Variants in ERCC6L2 observed in about 807,000 individuals in gnomAD.
The protein encoded by ERCC6L2 is ERCC excision repair 6 like 2, also known as DNA excision repair protein ERCC-6-like 2.
A neutral mutation model predicts 132.0 loss-of-function variants in ERCC6L2; 77 were observed. The ratio of observed to expected loss-of-function variants is 0.58; its 90% CI spans 0.49 to 0.71. The LOEUF (loss-of-function observed/expected upper bound fraction) is 0.71. Ranked by LOEUF, ERCC6L2 falls within the 30% of genes least tolerant of loss-of-function variation. ERCC6L2 has a pLI of 0.00. For synonymous variants in ERCC6L2, 583 were observed against 632.4 expected (o/e 0.92, Z 1.17); for missense variants, 1,542 against 1,837.6 (o/e 0.84, Z 2.94).
intron 6 of ERCC6L2, chr9:95,918,408 C>G (rs1829702528): frequency 2.6e-6 from 1 of 391,296 alleles, no homozygotes; most frequent in African/African-American, 2.1e-5. Context: ...GAGAGAGATA[C>G]TGAAGGAACA....
Position 95,897,950 on chromosome 9 carries a change from CCTTT to C in ERCC6L2, c.577_580del (p.Ser193LeufsTer8). 1 of 1,610,698 alleles carries C rather than the reference CCTTT, an allele frequency of 6.2e-7. No individual in the cohort carries two copies. Among genetic ancestry groups the C allele is most frequent in the Non-Finnish European group, 8.5e-7 (1 of 1,178,754 alleles). Reference sequence around the variant, plus strand: ...TACTAAGAAGTATGAAAAAGGAACCCCTTTCTTCTACAGCAAAAAAGGTAAAATC... The same window carrying C: ...TACTAAGAAGTATGAAAAAGGAACCCCTTCTACAGCAAAAAAGGTAAAATC... On this transcript the variant is annotated frameshift_variant, in exon 3 of 19. Transcript: ENST00000653738. LOFTEE classifies it high-confidence loss of function.
At chr9:95,998,007 G>A (rs1833530059) in intron 17 of ERCC6L2, among the ~76,000 whole-genome samples, 1 of 152,148 alleles carries the variant, frequency 6.6e-6, no homozygotes. Flanking sequence ...AGTAGATATT[G>A]TTTTTCAAAA....
chr9:95,935,023 T>A (rs1034937802), intron 11 of ERCC6L2, among the ~76,000 whole-genome samples: 1 of 152,226 alleles, frequency 6.6e-6, no homozygotes, highest in Non-Finnish European at 1.5e-5. Context: ...TTATTTTGTC[T>A]CAGTCTCACA....
Position 95,923,269 on chromosome 9 carries a change from A to T in ERCC6L2, c.1423A>T (p.Ile475Phe). 1 of 1,613,502 alleles carries T rather than the reference A, an allele frequency of 6.2e-7. No homozygotes were observed. Among genetic ancestry groups the T allele is most frequent in the Non-Finnish European group, 8.5e-7 (1 of 1,179,684 alleles). Residue 475 changes from isoleucine to phenylalanine, a missense_variant, in exon 9 of 19, where the codon ATC becomes TTC. Physicochemically the swap from Ile to Phe is conservative, Grantham distance 21 (BLOSUM62 0). This residue lies in a region of ERCC6L2 where 945 missense variants were observed against 1,105.2 expected (regional missense o/e 0.86). Transcript: ENST00000653738. ...GCCTTTTCCCTTCAAGGAAACACTT[A>T]TCAAAAGGATATGTGATCAGGTATT... is the stretch of plus-strand genomic sequence containing the variant. ...ASTSKQQETL[I>F]KRICDQVFSR...
chr9:95,922,520 G>A (rs904003092), intron 8 of ERCC6L2, 102 bp downstream of exon 8: 24 of 695,200 alleles, frequency 3.5e-5, no homozygotes, highest in Non-Finnish European at 4.3e-5. Flanking sequence ...TGAAATTTAA[G>A]AGGAAACTGA....
At chr9:95,960,214 G>C (rs1831836924) in intron 13 of ERCC6L2, among the ~76,000 whole-genome samples, 2 of 151,988 alleles carry the variant, frequency 1.3e-5, no homozygotes, top group East Asian at 1.9e-4. Flanking sequence ...CTTTATTTCA[G>C]ATAAGCACTG....
At position 96,015,487 on chromosome 9, in the gene ERCC6L2, C is replaced by A. The variant is rs1171706425; in HGVS notation, c.*2284C>A. ...ACAGGTGTGAGCCACCATGCCCAGC[C>A]AATAAATGCTATTAAAGAAACTTTT... On this transcript the variant is annotated 3_prime_UTR_variant, in exon 19 of 19. Coordinates refer to ENST00000653738, the MANE Select transcript of ERCC6L2 (RefSeq NM_020207.7). 6.7e-6 allele frequency among the ~76,000 whole-genome samples: 1 copy of A among 150,062 alleles called. No individual in the cohort carries two copies. Among genetic ancestry groups the A allele is most frequent in the African/African-American group, 2.4e-5 (1 of 40,930 alleles).
At position 95,876,147 on chromosome 9, in the gene ERCC6L2, C is replaced by G. The variant is rs968479704; in HGVS notation, c.46+63C>G. 3.4e-6 allele frequency: 5 copies of G among 1,468,870 alleles called. No individual in the cohort carries two copies. In the African/African-American group the frequency reaches 5.6e-5, roughly 16 times the overall value. 91.0% of individuals were successfully genotyped at this position (1,468,870 alleles called of 1,614,324 possible). A position where few individuals can be genotyped will look rare whatever the true frequency, so the allele number is the denominator to read the frequency against. ...TGTACTGCGTCGCGTTGGACCAGTT[C>G]TTGCCGGTGCCCTTCGGGTTGGGGT... On this transcript the variant is annotated intron_variant, in intron 1 of 18. Coordinates refer to ENST00000653738, the MANE Select transcript of ERCC6L2 (RefSeq NM_020207.7).
At chr9:96,009,099 G>A (rs904299791) in intron 18 of ERCC6L2, among the ~76,000 whole-genome samples, 8 of 152,228 alleles carry the variant, frequency 5.3e-5, no homozygotes, top group African/African-American at 1.2e-4. Context: ...GTTGCAATCA[G>A]CATTGTGAAA....
chr9:95,959,132 C>A (rs2133009979), intron 13 of ERCC6L2, among the ~76,000 whole-genome samples: 1 of 152,014 alleles, frequency 6.6e-6, no homozygotes, highest in South Asian at 2.1e-4. Context: ...TCAAACTATA[C>A]TACAAGGCTA....
At chr9:95,894,584 CTTTTTTT>C (rs1218474585) in intron 2 of ERCC6L2, among the ~76,000 whole-genome samples, 1 of 83,484 alleles carries the variant, frequency 1.2e-5, no homozygotes, top group African/African-American at 6.0e-5. Flanking sequence ...ATATGTCAGC[CTTTTTTT>C]TTTTTTTTTT....
intron 9 of ERCC6L2, among the ~76,000 whole-genome samples, chr9:95,925,225 A>G (rs750871237): frequency 1.5e-4 from 23 of 152,170 alleles, no homozygotes; most frequent in African/African-American, 3.4e-4. Flanking sequence ...GACCTCAACT[A>G]TCATTCAAGG....
At position 96,012,862 on chromosome 9, in the gene ERCC6L2, T is replaced by C; in HGVS notation, c.4312T>C (p.Leu1438=). 1 of 1,367,646 alleles carries C rather than the reference T, an allele frequency of 7.3e-7. No homozygotes were observed. The highest frequency in any genetic ancestry group is 9.8e-7 in the Non-Finnish European group (1 of 1,021,854). 84.7% of individuals were successfully genotyped at this position (1,367,646 alleles called of 1,614,324 possible). The change falls in exon 19 of 19, where the codon TTA becomes CTA. Residue 1438 remains leucine (L), a synonymous_variant. Coordinates refer to ENST00000653738, the MANE Select transcript of ERCC6L2 (RefSeq NM_020207.7). ...GCTGGAAAATACTTCTGTGATAAGC[T>C]TACTTGGTGATACCTCTATTCTTGA... ...PVLENTSVIS[L]LGDTSILDDL... is the part of the protein sequence containing the mutation.
chr9:96,030,541 A>G lies in ERCC6L2; in HGVS notation c.*1504-8335A>G, dbSNP rs1374055277. The stretch of plus-strand genomic sequence containing the variant: ...TGAAACCCCGTCTCTACTAAAAAAA[A>G]ATACAAAAAAATTAGCCGGGCGTGG... On this transcript the variant is annotated intron_variant and NMD_transcript_variant, in intron 19 of 20. Coordinates refer to the ERCC6L2 transcript ENST00000670016. 3.3e-5 allele frequency among the ~76,000 whole-genome samples: 5 copies of G among 152,018 alleles called. No individual in the cohort carries two copies. The East Asian group carries it at 9.7e-4, about 29-fold the overall frequency.
chr9:95,941,590 T>G, intron 12 of ERCC6L2, 41 bp downstream of exon 12: 1 of 1,407,938 alleles, frequency 7.1e-7, no homozygotes, highest in Middle Eastern at 1.8e-4. Context: ...GCAAATACTT[T>G]TAATCTAAAA....
At chr9:95,892,797 C>T (rs535841102) in intron 2 of ERCC6L2, among the ~76,000 whole-genome samples, 1 of 152,058 alleles carries the variant, frequency 6.6e-6, no homozygotes, top group Non-Finnish European at 1.5e-5. Context: ...GGTCACAAAC[C>T]TTTGTGATTG....
chr9:96,020,367 G>A (rs1301311895), downstream of ERCC6L2: 1 of 199,840 alleles, frequency 5.0e-6, no homozygotes, highest in Non-Finnish European at 1.0e-5. Flanking sequence ...TGGATAAGAT[G>A]GGAGGAGTTC....
In ERCC6L2 at chr9:95,966,596, C is replaced by T. The variant is rs1279938757; in HGVS notation, c.1982C>T (p.Ala661Val). ...LHCVVVGSEN[A>V]KRYFEAVQGS... ...TGTGTGGTGGTTGGAAGTGAAAATG[C>T]CAAACGATATTTTGAAGCAGTTCAA... Residue 661 changes from alanine (A) to valine (V), a missense_variant, in exon 14 of 19, where the codon GCC (alanine) becomes GTC (valine). Coordinates refer to ENST00000653738, the MANE Select transcript of ERCC6L2 (RefSeq NM_020207.7). The T allele has an allele frequency of 2.0e-6, 3 of 1,527,138 alleles. No individual in the cohort carries two copies. Among genetic ancestry groups the T allele is most frequent in the Non-Finnish European group, 2.7e-6 (3 of 1,120,288 alleles). The allele number at this position is 1,527,138 out of a possible 1,614,324, so 94.6% of individuals were successfully genotyped here. A position where few individuals can be genotyped will look rare whatever the true frequency, so the allele number is the denominator to read the frequency against.
intron 16 of ERCC6L2, among the ~76,000 whole-genome samples, chr9:95,976,566 C>T (rs1167708564): frequency 1.3e-5 from 2 of 152,196 alleles, no homozygotes; most frequent in Non-Finnish European, 2.9e-5. Flanking sequence ...CACACAGATA[C>T]TGAAACCATG....
Sources: gnomAD v4.1 joint callset for allele counts (sites outside exome capture counted in the v4.1 genomes callset) on GRCh38, gnomAD v4.1.1 for gene constraint, gnomAD v4.1.1 regional missense constraint, MANE v1.5 for transcripts, NCBI Gene and HGNC (gene_info 2026-07-23, HGNC 2026-07-21) for gene names.